The following ARAP2 variants were observed in gnomAD, a reference collection of about 807,000 sequenced individuals.
ARAP2 encodes arf-GAP with Rho-GAP domain, ANK repeat and PH domain-containing protein 2.
ARAP2 carries 148 observed loss-of-function variants against 194.5 expected under a neutral mutation model. That is an observed-to-expected ratio of 0.76 (90% CI 0.67 to 0.87). The LOEUF is 0.87. Ranked by LOEUF, ARAP2 falls within the 40% of genes least tolerant of loss-of-function variation. The probability of loss-of-function intolerance (pLI) is 0.00; values close to 1 mark genes in which losing one functional copy is unlikely to be tolerated. For missense variants in ARAP2, 2,128 were observed against 1,989.7 expected (o/e 1.07, Z -1.32); for synonymous variants, 695 against 683.5 (o/e 1.02, Z -0.26).
intron 26 of ARAP2, 51 bp downstream of exon 26, chr4:36,114,119 A>G (rs1169548939): frequency 8.1e-7 from 1 of 1,234,824 alleles, no homozygotes; most frequent in African/African-American, 1.5e-5. Context: ...CTTAAAGAGT[A>G]CTTTTTACAG....
chr4:36,194,360 T>C (rs940862419), intron 6 of ARAP2, among the ~76,000 whole-genome samples: 2 of 152,224 alleles, frequency 1.3e-5, no homozygotes, highest in Non-Finnish European at 2.9e-5. Context: ...GCTTGCTTTT[T>C]ATTTTTATTT....
At chr4:36,097,334 A>G (rs1298528030) in intron 27 of ARAP2, among the ~76,000 whole-genome samples, 1 of 152,118 alleles carries the variant, frequency 6.6e-6, no homozygotes. Flanking sequence ...ATTATGATTT[A>G]AAAGACTTTC....
At chr4:36,204,889 T>C (rs1745188199) in intron 6 of ARAP2, among the ~76,000 whole-genome samples, 1 of 148,954 alleles carries the variant, frequency 6.7e-6, no homozygotes, top group African/African-American at 2.5e-5. Flanking sequence ...CTCGGGAGGC[T>C]GTGGCAGAGA....
At chr4:36,144,327 T>C (rs372532704) in intron 19 of ARAP2, among the ~76,000 whole-genome samples, 1 of 151,874 alleles carries the variant, frequency 6.6e-6, no homozygotes, top group East Asian at 1.9e-4. Context: ...GCCATGGAAG[T>C]AGCAGTTAGT....
chr4:36,053,114 T>C (rs553091444), intron 2 of ARAP2, among the ~76,000 whole-genome samples: 10 of 151,910 alleles, frequency 6.6e-5, no homozygotes, highest in African/African-American at 9.6e-5. Context: ...TTCAAGCGAT[T>C]CTCTGCCTCA....
At chr4:36,234,841 C>A (rs1033900076) in intron 1 of ARAP2, among the ~76,000 whole-genome samples, 2 of 152,134 alleles carry the variant, frequency 1.3e-5, no homozygotes, top group African/African-American at 4.8e-5. Context: ...ATAAGCTACA[C>A]AATAAATACC....
intron 5 of ARAP2, among the ~76,000 whole-genome samples, chr4:36,035,835 T>C (rs1335039437): frequency 1.3e-5 from 2 of 152,186 alleles, no homozygotes; most frequent in Admixed American, 1.3e-4. Context: ...GCAAGGTAGT[T>C]GTCAAAACGT....
chr4:36,216,041 T>C (rs1367234923), intron 2 of ARAP2, among the ~76,000 whole-genome samples: 3 of 149,368 alleles, frequency 2.0e-5, no homozygotes, highest in African/African-American at 7.4e-5. Flanking sequence ...AGCTCAGGAG[T>C]TTGAAACCAG....
In ARAP2 at chr4:36,159,472, G is replaced by A. The variant is rs2109772230; in HGVS notation, c.2476C>T (p.Leu826=). ...LCAAVVKPDV[L]ETMALLFSGA... ...CTGAACAGCAAAGCCATTGTTTCTA[G>A]AACATCCGGTTTCACTACAGCAGCA... Residue 826 remains leucine, a synonymous_variant, in exon 14 of 33, where the codon CTA becomes TTA. Transcript: ENST00000303965. 6.3e-7 allele frequency: 1 copy of A among 1,590,330 alleles called. No homozygotes were observed. The highest frequency in any genetic ancestry group is 1.1e-5 in the South Asian group (1 of 88,086).
In ARAP2 at chr4:36,128,744, A is replaced by C; in HGVS notation, c.3429T>G (p.Gly1143=). Residue 1143 remains glycine (G), a splice_region_variant and synonymous_variant, in exon 21 of 33, where the codon GGT becomes GGG. Coordinates refer to ENST00000303965, the MANE Select transcript of ARAP2 (RefSeq NM_015230.4). ...NSCIAFVTQY[G]LGCKYIYQKN... is the part of the protein sequence containing the mutation. ...TTTGATAGATATATTTGCATCCTAA[A>C]CCTTTGTTTAAAAAAAAAAAGTTAT... 6.8e-7 allele frequency: 1 copy of C among 1,473,982 alleles called. No individual in the cohort carries two copies. Among genetic ancestry groups the C allele is most frequent in the Admixed American group, 2.3e-5 (1 of 43,598 alleles). 91.3% of individuals were successfully genotyped at this position (1,473,982 alleles called of 1,614,324 possible).
At chr4:36,190,785 A>C (rs1013844532) in intron 7 of ARAP2, among the ~76,000 whole-genome samples, 1 of 152,190 alleles carries the variant, frequency 6.6e-6, no homozygotes, top group African/African-American at 2.4e-5. Flanking sequence ...GAAGAACAAA[A>C]ACACAAGGGG....
intron 27 of ARAP2, among the ~76,000 whole-genome samples, chr4:36,096,891 A>C (rs1206874716): frequency 6.6e-6 from 1 of 152,134 alleles, no homozygotes; most frequent in East Asian, 1.9e-4. Flanking sequence ...AGAGTCAAGA[A>C]AGGCATCTAT....
intron 9 of ARAP2, among the ~76,000 whole-genome samples, chr4:36,167,592 C>T (rs549223201): frequency 2.0e-5 from 3 of 152,070 alleles, no homozygotes; most frequent in Admixed American, 2.0e-4. Flanking sequence ...TATTTTTCCC[C>T]TCATTTACTC....
intron 26 of ARAP2, 49 bp downstream of exon 26, chr4:36,114,121 T>C: frequency 7.8e-7 from 1 of 1,286,648 alleles, no homozygotes; most frequent in South Asian, 1.3e-5. Flanking sequence ...TAAAGAGTAC[T>C]TTTTACAGTA....
At chr4:36,241,836 T>C (rs1298422796) in intron 1 of ARAP2, among the ~76,000 whole-genome samples, 3 of 152,132 alleles carry the variant, frequency 2.0e-5, no homozygotes, top group East Asian at 3.8e-4. Context: ...CCTTCATGAG[T>C]TCTCAGGAAC....
chr4:36,133,082 G>C, intron 20 of ARAP2, 144 bp downstream of exon 20: 1 of 741,988 alleles, frequency 1.3e-6, no homozygotes, highest in Admixed American at 3.3e-5. Context: ...GTAATTAGCT[G>C]AACAGTAAAT....
chr4:36,083,897 T>C (rs1730206715), intron 28 of ARAP2, among the ~76,000 whole-genome samples: 1 of 152,122 alleles, frequency 6.6e-6, no homozygotes, highest in Admixed American at 6.6e-5. Flanking sequence ...CAGCTGCTAG[T>C]GTGGCTAGAA....
chr4:36,021,472 G>T (rs1044410039), intron 5 of ARAP2, among the ~76,000 whole-genome samples: 1 of 152,092 alleles, frequency 6.6e-6, no homozygotes, highest in Non-Finnish European at 1.5e-5. Context: ...AATAGCAAAT[G>T]AGTTATCACA....
At position 36,212,309 on chromosome 4, in the gene ARAP2, C is replaced by T. The variant is rs1746933754; in HGVS notation, c.1133+87G>A. ...TATCACCATAAACTATTTTCTCTGA[C>T]ACACAATATTATACTAAGAATGAGA... is the stretch of plus-strand genomic sequence containing the variant. On this transcript the variant is annotated intron_variant, in intron 5 of 32. Transcript: ENST00000303965. 6 of 1,122,316 alleles carry T rather than the reference C, an allele frequency of 5.3e-6. No homozygotes were observed. The South Asian group carries it at 8.8e-5, about 16-fold the overall frequency. The allele number at this position is 1,122,316 out of a possible 1,614,324, so 69.5% of individuals were successfully genotyped here.
Sources: gnomAD v4.1 joint callset for allele counts (sites outside exome capture counted in the v4.1 genomes callset) on GRCh38, gnomAD v4.1.1 for gene constraint, MANE v1.5 for transcripts, NCBI Gene and HGNC (gene_info 2026-07-23, HGNC 2026-07-21) for gene names.